Variants in DCP1A observed in about 807,000 individuals in gnomAD.
DCP1A encodes decapping mRNA 1A, also known as mRNA-decapping enzyme 1A.
DCP1A carries 20 observed loss-of-function variants against 58.0 expected under a neutral mutation model. The ratio of observed to expected loss-of-function variants is 0.34; its 90% CI spans 0.24 to 0.50. The LOEUF is 0.50. DCP1A is among the 20% of genes least tolerant of loss of function. The pLI is 0.98. For synonymous variants in DCP1A, 285 were observed against 275.1 expected (o/e 1.04, Z -0.36); for missense variants, 613 against 712.2 (o/e 0.86, Z 1.59).
intron 5 of DCP1A, among the ~76,000 whole-genome samples, chr3:53,310,779 A>G (rs1707620318): frequency 6.6e-6 from 1 of 152,222 alleles, no homozygotes; most frequent in African/African-American, 2.4e-5. Flanking sequence ...ATTTGGTACA[A>G]ACTTGAAACT....
At chr3:53,344,794 G>A in intron 2 of DCP1A, 108 bp downstream of exon 2, 1 of 713,682 alleles carries the variant, frequency 1.4e-6, no homozygotes, top group South Asian at 1.9e-5. Context: ...AAAACTTGAA[G>A]GGTACTAGCA....
At chr3:53,335,838 A>AT (rs1559705422) in intron 3 of DCP1A, among the ~76,000 whole-genome samples, 1 of 151,508 alleles carries the variant, frequency 6.6e-6, no homozygotes, top group South Asian at 2.1e-4. Flanking sequence ...TTATTCTTTT[A>AT]TTTTTTGAGA....
intron 4 of DCP1A, among the ~76,000 whole-genome samples, chr3:53,314,656 C>CT (rs1264970869): frequency 8.1e-6 from 1 of 123,532 alleles, no homozygotes; most frequent in Non-Finnish European, 1.7e-5. Flanking sequence ...AAGAATATTT[C>CT]TTTTCTTTTT....
chr3:53,330,503 C>T (rs950902989), intron 3 of DCP1A, among the ~76,000 whole-genome samples: 3 of 149,120 alleles, frequency 2.0e-5, no homozygotes, highest in Non-Finnish European at 4.4e-5. Context: ...GCCTGGGCAA[C>T]AGAGTGAGAC....
chr3:53,338,558 T>C (rs1553692209), intron 3 of DCP1A, among the ~76,000 whole-genome samples: 1 of 151,956 alleles, frequency 6.6e-6, no homozygotes, highest in Non-Finnish European at 1.5e-5. Context: ...TAGATGGGCA[T>C]GTTTTATAAA....
intron 6 of DCP1A, among the ~76,000 whole-genome samples, chr3:53,301,897 T>G (rs1425107025): frequency 1.3e-5 from 2 of 152,206 alleles, no homozygotes; most frequent in Admixed American, 6.5e-5. Flanking sequence ...ATTCTTGAAA[T>G]GACATTATAG....
chr3:53,312,125 A>G, intron 5 of DCP1A, 116 bp downstream of exon 5: 1 of 1,189,600 alleles, frequency 8.4e-7, no homozygotes, highest in Non-Finnish European at 1.2e-6. Flanking sequence ...CTCTTTTTGA[A>G]CTTATATTTC....
At chr3:53,298,331 A>G (rs1559684305) in intron 6 of DCP1A, among the ~76,000 whole-genome samples, 1 of 152,186 alleles carries the variant, frequency 6.6e-6, no homozygotes, top group East Asian at 1.9e-4. Context: ...CTGCCTCCCT[A>G]TAACTACTGC....
At chr3:53,288,327 A>G (rs1278488877) in intron 8 of DCP1A, 44 bp from the exon 9 acceptor site, 2 of 1,513,452 alleles carry the variant, frequency 1.3e-6, no homozygotes, top group Non-Finnish European at 9.0e-7. Flanking sequence ...TGCAGAAGCC[A>G]GTAGCCAGGC....
intron 5 of DCP1A, among the ~76,000 whole-genome samples, chr3:53,307,610 A>G (rs963942758): frequency 6.6e-6 from 1 of 152,208 alleles, no homozygotes; most frequent in Non-Finnish European, 1.5e-5. Flanking sequence ...ATACTTGTGC[A>G]GGGCCTTTCT....
rs35716152 is a variant in DCP1A at position 53,287,342 on chromosome 3, C to CTTTT, written c.*234_*237dup. 10 of 166,734 alleles carry CTTTT rather than the reference C, an allele frequency of 6.0e-5. No homozygotes were observed. The highest frequency in any genetic ancestry group is 1.3e-4 in the African/African-American group (3 of 22,880). The allele number at this position is 166,734 out of a possible 1,614,324, so 10.3% of individuals were successfully genotyped here. A position where few individuals can be genotyped will look rare whatever the true frequency, so the allele number is the denominator to read the frequency against. On this transcript the variant is annotated 3_prime_UTR_variant, in exon 10 of 10. Transcript: ENST00000610213. Reference sequence around the variant, plus strand: ...CATAACTTAACACAATGATCGCTCTCTTTTTTTTTTTTTTTTTTTTTTTTT... The same window carrying CTTTT: ...CATAACTTAACACAATGATCGCTCTCTTTTTTTTTTTTTTTTTTTTTTTTTTTTT...
chr3:53,347,483 C>G lies in DCP1A; in HGVS notation c.35G>C (p.Ser12Thr), dbSNP rs782777635. ...GTCGTGTTGCTTCAGGGCCGCTAGG[C>G]TCATCTCCTGCCCAGCTCGACTCAG... is the stretch of plus-strand genomic sequence containing the variant. ...EALSRAGQEM[S>T]LAALKQHDPY... The change falls in exon 1 of 10, where the codon AGC (serine) becomes ACC (threonine). Residue 12 changes from serine (S) to threonine (T), a missense_variant. By Grantham distance (58) the Ser-to-Thr change is moderately conservative. Around this residue, in one of 3 missense-constraint regions of DCP1A, gnomAD observed 50 missense variants for 37.0 expected, o/e 1.35. Transcript: ENST00000610213. 1 of 1,613,412 alleles carries G rather than the reference C, an allele frequency of 6.2e-7. No individual in the cohort carries two copies. The highest frequency in any genetic ancestry group is 1.1e-5 in the South Asian group (1 of 91,082).
At chr3:53,327,635 C>CA (rs1708147536) in intron 3 of DCP1A, among the ~76,000 whole-genome samples, 1 of 150,644 alleles carries the variant, frequency 6.6e-6, no homozygotes, top group African/African-American at 2.5e-5. Flanking sequence ...ACTAAAAATA[C>CA]AAAAAATTAG....
intron 6 of DCP1A, among the ~76,000 whole-genome samples, chr3:53,293,593 T>C (rs535521362): frequency 2.0e-5 from 3 of 152,118 alleles, no homozygotes; most frequent in Non-Finnish European, 4.4e-5. Flanking sequence ...CCTAAGCACT[T>C]TGAAAACACA....
rs1162691871 is a variant in DCP1A at position 53,292,778 on chromosome 3, G to T, written c.674C>A (p.Thr225Asn). 5 of 1,612,778 alleles carry T rather than the reference G, an allele frequency of 3.1e-6. No homozygotes were observed. The highest frequency in any genetic ancestry group is 1.3e-5 in the African/African-American group (1 of 74,880). The change falls in exon 7 of 10, where the codon ACC becomes AAC. Residue 225 changes from threonine (T) to asparagine (N), a missense_variant. Physicochemically the swap from Thr to Asn is moderately conservative, Grantham distance 65. Transcript: ENST00000610213. ...TGCTGGTTGTTCCTTTGGCAAAGAG[G>T]TTCCAAATAACTCTTCTACCGTCAG... ...KHLTVEELFG[T>N]SLPKEQPAVV...
chr3:53,332,829 G>A (rs1408001588), intron 3 of DCP1A, among the ~76,000 whole-genome samples: 1 of 151,160 alleles, frequency 6.6e-6, no homozygotes, highest in Non-Finnish European at 1.5e-5. Context: ...CTGCACTCCA[G>A]CCTGGGTGAC....
intron 4 of DCP1A, among the ~76,000 whole-genome samples, chr3:53,315,793 G>A (rs1241344078): frequency 8.6e-6 from 1 of 115,966 alleles, no homozygotes; most frequent in Non-Finnish European, 1.6e-5. Context: ...TCGCTCTGTC[G>A]CCCAGGCTGG....
Position 53,288,303 on chromosome 3 carries a change from A to G in DCP1A, c.1450-20T>C, listed in dbSNP as rs1454134175. The G allele has an allele frequency of 2.5e-6, 4 of 1,583,704 alleles. No homozygotes were observed. Among genetic ancestry groups the G allele is most frequent in the Non-Finnish European group, 3.4e-6 (4 of 1,164,392 alleles). On this transcript the variant is annotated intron_variant, in intron 8 of 9. Coordinates refer to ENST00000610213, the MANE Select transcript of DCP1A (RefSeq NM_018403.7). ...TGCAACCTGGAGAGTGACAATGGTCATTTTGTACCGAAGTGCAGAAGCCAG... is the reference window on the plus strand; with the variant it reads ...TGCAACCTGGAGAGTGACAATGGTCGTTTTGTACCGAAGTGCAGAAGCCAG...
intron 3 of DCP1A, among the ~76,000 whole-genome samples, chr3:53,323,861 C>CAAACA (rs1708040021): frequency 1.4e-5 from 1 of 72,802 alleles, no homozygotes; most frequent in Non-Finnish European, 2.7e-5. Flanking sequence ...GACTCTGTCT[C>CAAACA]AAAAAAAAAA....
Sources: gnomAD v4.1 joint callset for allele counts (sites outside exome capture counted in the v4.1 genomes callset) on GRCh38, gnomAD v4.1.1 for gene constraint, gnomAD v4.1.1 regional missense constraint, MANE v1.5 for transcripts, NCBI Gene and HGNC (gene_info 2026-07-23, HGNC 2026-07-21) for gene names.